Variants in PCM1 observed in about 807,000 individuals in gnomAD.
PCM1 encodes pericentriolar material 1 protein.
PCM1 carries 157 observed loss-of-function variants against 241.9 expected under a neutral mutation model. The observed-to-expected ratio is 0.65, with a 90% CI of 0.57 to 0.74. The LOEUF (loss-of-function observed/expected upper bound fraction) is 0.74, where lower values mean the gene tolerates loss of function less well. PCM1 is among the 30% of genes least tolerant of loss of function. PCM1 has a pLI of 0.00. For missense variants in PCM1, 3,478 were observed against 2,360.1 expected, an observed-to-expected ratio of 1.47 and a Z score of -9.81; for synonymous variants, 1,085 against 784.9, an observed-to-expected ratio of 1.38 and a Z score of -6.39.
At chr8:17,954,484 G>C (rs2067291968) in intron 9 of PCM1, among the ~76,000 whole-genome samples, 1 of 151,444 alleles carries the variant, frequency 6.6e-6, no homozygotes, top group African/African-American at 2.4e-5. Context: ...TTGCGCTTAA[G>C]TCCTTGTCGT....
rs539284328 is a variant in PCM1, at chr8:17,950,891, G to A, written c.1071+167G>A. Among the ~76,000 whole-genome samples, 102 of 152,362 alleles carry A rather than the reference G, an allele frequency of 6.7e-4. 1 individual carries two copies. Among genetic ancestry groups the A allele is most frequent in the Non-Finnish European group, 6.2e-4 (42 of 68,044 alleles). Reference sequence around the variant, plus strand: ...TTCAAAATTACGATTCATGGATTTGGGGTGGGCTTCTCCACGTCTCAGTCC... The same window carrying A: ...TTCAAAATTACGATTCATGGATTTGAGGTGGGCTTCTCCACGTCTCAGTCC... On this transcript the variant is annotated intron_variant, in intron 8 of 38. Transcript: ENST00000325083.
chr8:17,947,734 A>G (rs1265960049), intron 7 of PCM1, among the ~76,000 whole-genome samples: 1 of 152,182 alleles, frequency 6.6e-6, no homozygotes, highest in East Asian at 1.9e-4. Context: ...GCCTCCCAAG[A>G]AAGGGTTAAA....
chr8:17,971,092 CTTTA>C lies in PCM1; in HGVS notation c.3585-1231_3585-1228del, dbSNP rs537088653. ...AGTATGGCTGTGTTCTGCAATAACA[CTTTA>C]TTTATGGGCACAGAAATTTTATTTT... On this transcript the variant is annotated intron_variant, in intron 22 of 38. Transcript: ENST00000325083. Among the ~76,000 whole-genome samples, 332 of 152,316 alleles carry C rather than the reference CTTTA, an allele frequency of 2.2e-3. 2 individuals are homozygous for C. The highest frequency in any genetic ancestry group is 4.0e-3 in the Non-Finnish European group (270 of 68,026).
intron 2 of PCM1, among the ~76,000 whole-genome samples, chr8:17,933,040 C>T (rs1376867055): frequency 6.6e-6 from 1 of 152,036 alleles, no homozygotes; most frequent in Admixed American, 6.6e-5. Context: ...AAGAATACCA[C>T]TTAAGGAAGA....
At chr8:17,941,540 TTAA>T (rs1406205206) in intron 6 of PCM1, among the ~76,000 whole-genome samples, 2 of 124,258 alleles carry the variant, frequency 1.6e-5, no homozygotes, top group Non-Finnish European at 3.8e-5. Flanking sequence ...TTTTTTTTTT[TTAA>T]AAAAAAGGTG....
intron 2 of PCM1, among the ~76,000 whole-genome samples, chr8:17,935,289 T>C (rs1302912306): frequency 3.9e-5 from 6 of 152,216 alleles, no homozygotes; most frequent in Non-Finnish European, 8.8e-5. Context: ...TACTTTATTG[T>C]TCTACCCTTT....
At chr8:17,991,989 T>TA (rs1185842312) in intron 28 of PCM1, among the ~76,000 whole-genome samples, 3 of 152,210 alleles carry the variant, frequency 2.0e-5, no homozygotes, top group Admixed American at 2.0e-4. Context: ...TCACTTAGAT[T>TA]AACGGTCTCC....
At chr8:17,995,364 CTCTGT>C (rs2086310894) in intron 29 of PCM1, among the ~76,000 whole-genome samples, 1 of 151,110 alleles carries the variant, frequency 6.6e-6, no homozygotes, top group African/African-American at 2.5e-5. Context: ...TTTCTGGGTT[CTCTGT>C]TCTGTTCTAT....
At chr8:18,005,447 G>C (rs1051704870) in intron 29 of PCM1, among the ~76,000 whole-genome samples, 1 of 151,262 alleles carries the variant, frequency 6.6e-6, no homozygotes, top group African/African-American at 2.4e-5. Context: ...ATCTAGTTTG[G>C]CACCCTCATT....
At chr8:17,977,099 A>G (rs1405189471) in intron 23 of PCM1, among the ~76,000 whole-genome samples, 1 of 152,234 alleles carries the variant, frequency 6.6e-6, no homozygotes, top group Non-Finnish European at 1.5e-5. Context: ...TTTCACTTAT[A>G]TAAATGTTCA....
chr8:17,977,131 A>G (rs73196042), intron 23 of PCM1, among the ~76,000 whole-genome samples: 1,902 of 152,322 alleles, frequency 0.012, 20 homozygotes, highest in Non-Finnish European at 0.017. Flanking sequence ...CATACTTAAA[A>G]TCTTTTTCTT....
intron 4 of PCM1, among the ~76,000 whole-genome samples, chr8:17,937,763 A>G (rs546432339): frequency 6.6e-6 from 1 of 152,280 alleles, no homozygotes; most frequent in South Asian, 2.1e-4. Flanking sequence ...TTTAGAATGA[A>G]ACTATTTTCT....
chr8:17,998,605 T>G (rs1054278263), intron 29 of PCM1, among the ~76,000 whole-genome samples: 1 of 152,090 alleles, frequency 6.6e-6, no homozygotes, highest in Admixed American at 6.5e-5. Flanking sequence ...CTGTGCTGGG[T>G]CATACCTAAA....
chr8:17,935,701 A>T lies in PCM1; in HGVS notation c.91A>T (p.Asn31Tyr), dbSNP rs1318756317. Residue 31 changes from asparagine to tyrosine, a missense_variant, in exon 3 of 39, where the codon AAT becomes TAT. Transcript: ENST00000325083. ...TGAGAATGTTGATGACAGGCTCAAC[A>T]ATATGGTATGATTCCTTACTCTTCA... ...SNENVDDRLNNMDWGAQQKKA... is the reference protein window; with the variant it reads ...SNENVDDRLNYMDWGAQQKKA... 2 of 1,357,432 alleles carry T rather than the reference A, an allele frequency of 1.5e-6. No individual in the cohort carries two copies. Among genetic ancestry groups the T allele is most frequent in the South Asian group, 2.3e-5 (2 of 85,598 alleles). The allele number at this position is 1,357,432 out of a possible 1,614,324, so 84.1% of individuals were successfully genotyped here.
intron 26 of PCM1, among the ~76,000 whole-genome samples, chr8:17,988,302 A>G (rs2083298316): frequency 6.6e-6 from 1 of 151,918 alleles, no homozygotes; most frequent in South Asian, 2.1e-4. Flanking sequence ...GAAGATAGGA[A>G]ACTTTAAAAA....
intron 29 of PCM1, among the ~76,000 whole-genome samples, chr8:17,998,426 C>CT (rs1409956113): frequency 3.9e-5 from 6 of 152,148 alleles, no homozygotes; most frequent in African/African-American, 1.4e-4. Flanking sequence ...CGGTATACCA[C>CT]TTTGGTGATT....
At position 18,006,280 on chromosome 8, in the gene PCM1, A is replaced by G. The variant is rs1450791618; in HGVS notation, c.4845A>G (p.Val1615=). 6.2e-7 allele frequency: 1 copy of G among 1,609,550 alleles called. No homozygotes were observed. The highest frequency in any genetic ancestry group is 1.1e-5 in the South Asian group (1 of 90,712). The change falls in exon 30 of 39, where the codon GTA becomes GTG. Residue 1615 remains valine, a synonymous_variant. Coordinates refer to ENST00000325083, the MANE Select transcript of PCM1 (RefSeq NM_006197.4). ...TTTCTCAGGAGCACATGGATGAAGT[A>G]TGCTCCTCGCAGCTTCTAACTTCAG... ...IPFLKEHMDE[V]CSSQLLTSVR...
intron 2 of PCM1, among the ~76,000 whole-genome samples, chr8:17,929,438 G>C (rs2058259076): frequency 6.6e-6 from 1 of 152,160 alleles, no homozygotes; most frequent in African/African-American, 2.4e-5. Flanking sequence ...CTCCAGCCCA[G>C]ATTTCTCTGT....
chr8:17,966,207 C>A lies in PCM1; in HGVS notation c.3064C>A (p.Gln1022Lys), dbSNP rs778781820. 1 of 1,612,506 alleles carries A rather than the reference C, an allele frequency of 6.2e-7. No individual in the cohort carries two copies. Among genetic ancestry groups the A allele is most frequent in the Non-Finnish European group, 8.5e-7 (1 of 1,178,696 alleles). Residue 1022 changes from glutamine (Q) to lysine (K), a missense_variant, in exon 19 of 39, where the codon CAA becomes AAA. Gln to Lys is a moderately conservative substitution (Grantham distance 53). Transcript: ENST00000325083. ...TGTCAGTATTTGTCAGACTTTGATGCAAGACCAGCAGGTAAAATTTGCTAT... is the reference window on the plus strand; with the variant it reads ...TGTCAGTATTTGTCAGACTTTGATGAAAGACCAGCAGGTAAAATTTGCTAT... The part of the protein sequence containing the change: ...FSVSICQTLM[Q>K]DQQTLSCLLQ...
Sources: allele counts gnomAD v4.1 joint callset (sites outside exome capture counted in the v4.1 genomes callset), GRCh38; gene constraint gnomAD v4.1.1; transcripts MANE v1.5; gene names NCBI Gene and HGNC (gene_info 2026-07-23, HGNC 2026-07-21).